The following DISC1 variants were observed in gnomAD, a reference collection of about 807,000 sequenced individuals.
DISC1 encodes disrupted in schizophrenia 1 protein.
DISC1 carries 57 observed loss-of-function variants against 84.5 expected under a neutral mutation model. The ratio of observed to expected loss-of-function variants is 0.67; its 90% CI spans 0.55 to 0.84. DISC1 has a LOEUF of 0.84. DISC1 is among the 40% of genes least tolerant of loss of function. DISC1 has a pLI of 0.00. For synonymous variants in DISC1, 411 were observed against 415.2 expected, an observed-to-expected ratio of 0.99 and a Z score of 0.12; for missense variants, 1,000 against 1,057.8, an observed-to-expected ratio of 0.95 and a Z score of 0.76.
intron 1 of DISC1, among the ~76,000 whole-genome samples, chr1:231,631,877 A>C (rs1186021473): frequency 6.6e-6 from 1 of 152,104 alleles, no homozygotes; most frequent in Non-Finnish European, 1.5e-5. Context: ...AGTAGCATGA[A>C]ATTATGTCCT....
chr1:231,886,742 TCTTTCTTC>T (rs1234031452), intron 9 of DISC1, among the ~76,000 whole-genome samples: 108 of 150,668 alleles, frequency 7.2e-4, no homozygotes, highest in African/African-American at 2.3e-3. Context: ...ACTTTCTTTC[TCTTTCTTC>T]CTTTCTTCCT....
intron 11 of DISC1, among the ~76,000 whole-genome samples, chr1:232,021,024 C>T (rs1668906968): frequency 6.6e-6 from 1 of 152,200 alleles, no homozygotes; most frequent in Non-Finnish European, 1.5e-5. Flanking sequence ...GTGACCGTAA[C>T]ATATAAACAT....
At chr1:231,910,034 A>AT (rs1386128596) in intron 9 of DISC1, among the ~76,000 whole-genome samples, 4 of 152,118 alleles carry the variant, frequency 2.6e-5, no homozygotes. Flanking sequence ...CCCCTTTATC[A>AT]TTTTTTATTG....
chr1:231,641,337 C>T (rs2059644944), intron 1 of DISC1, among the ~76,000 whole-genome samples: 1 of 151,988 alleles, frequency 6.6e-6, no homozygotes, highest in Admixed American at 6.6e-5. Context: ...TTCGTGGTCT[C>T]GCTGGCTCAA....
intron 3 of DISC1, among the ~76,000 whole-genome samples, chr1:231,722,068 G>A (rs372608640): frequency 1.3e-5 from 2 of 150,542 alleles, no homozygotes; most frequent in African/African-American, 4.9e-5. Flanking sequence ...CAGGAGAATG[G>A]CATGAACCTG....
At chr1:231,888,692 C>T (rs1403442083) in intron 9 of DISC1, among the ~76,000 whole-genome samples, 4 of 136,374 alleles carry the variant, frequency 2.9e-5, no homozygotes, top group South Asian at 2.4e-4. Flanking sequence ...GAGCCAAGAT[C>T]GTGCCACTGC....
chr1:231,801,638 C>T (rs2079267031), intron 8 of DISC1, among the ~76,000 whole-genome samples: 5 of 152,114 alleles, frequency 3.3e-5, no homozygotes, highest in South Asian at 2.1e-4. Context: ...TTTGGTGGAC[C>T]GGCCTTTCAG....
chr1:231,638,021 G>C (rs1431533135), intron 1 of DISC1, among the ~76,000 whole-genome samples: 2 of 151,670 alleles, frequency 1.3e-5, no homozygotes, highest in Non-Finnish European at 2.9e-5. Flanking sequence ...GTTATTTTTT[G>C]ACTTTTTAAT....
At chr1:231,850,766 A>T (rs1442457392) in intron 9 of DISC1, among the ~76,000 whole-genome samples, 1 of 152,248 alleles carries the variant, frequency 6.6e-6, no homozygotes, top group African/African-American at 2.4e-5. Context: ...GGGCACTTCT[A>T]TTTAAAGGGT....
chr1:231,803,234 G>A (rs2079418631), intron 8 of DISC1, among the ~76,000 whole-genome samples: 1 of 152,084 alleles, frequency 6.6e-6, no homozygotes, highest in Non-Finnish European at 1.5e-5. Flanking sequence ...CTTACAACAT[G>A]GCTGCTGGGT....
chr1:231,754,021 C>G (rs2074885192), intron 4 of DISC1, among the ~76,000 whole-genome samples: 1 of 152,162 alleles, frequency 6.6e-6, no homozygotes. Flanking sequence ...GCCTGGCTTT[C>G]ACTGTTCATA....
At chr1:231,996,694 A>T (rs897415507) in intron 10 of DISC1, among the ~76,000 whole-genome samples, 2 of 152,164 alleles carry the variant, frequency 1.3e-5, no homozygotes, top group Non-Finnish European at 2.9e-5. Context: ...AACCCCATAG[A>T]AAAACACTAA....
chr1:231,830,230 C>A (rs530828483), intron 9 of DISC1, among the ~76,000 whole-genome samples: 5 of 152,132 alleles, frequency 3.3e-5, no homozygotes, highest in African/African-American at 1.2e-4. Context: ...GCATGGGAAC[C>A]TAGAGTGGGA....
chr1:231,970,835 G>T lies in DISC1; in HGVS notation c.2042+11947G>T, dbSNP rs575723512. On this transcript the variant is annotated intron_variant, in intron 10 of 12. Coordinates refer to ENST00000439617, the MANE Select transcript of DISC1 (RefSeq NM_018662.3). Reference sequence around the variant, plus strand: ...TGAGAAATCAACCAATATTTAAGAAGGTCTGAGACTTGGCAAGGTGCCCAG... The same window carrying T: ...TGAGAAATCAACCAATATTTAAGAATGTCTGAGACTTGGCAAGGTGCCCAG... 4.6e-5 allele frequency among the ~76,000 whole-genome samples: 7 copies of T among 152,292 alleles called. No individual in the cohort carries two copies. In the South Asian group the frequency reaches 1.5e-3, roughly 32 times the overall value.
intron 10 of DISC1, among the ~76,000 whole-genome samples, chr1:231,990,849 C>T (rs138599446): frequency 2.3e-4 from 35 of 152,310 alleles, no homozygotes; most frequent in Middle Eastern, 3.4e-3. Flanking sequence ...TTGTCATAGA[C>T]GTCTCCTGAA....
chr1:231,872,783 C>G (rs1340140260), intron 9 of DISC1, among the ~76,000 whole-genome samples: 2 of 152,174 alleles, frequency 1.3e-5, no homozygotes, highest in African/African-American at 4.8e-5. Flanking sequence ...ACTCATCCAC[C>G]CAACTCATTT....
rs2076505311 is a variant in DISC1, at chr1:231,770,847, G to A, written c.1411G>A (p.Ala471Thr). Residue 471 changes from alanine to threonine, a missense_variant, in exon 6 of 13, where the codon GCT becomes ACT. Ala to Thr is a moderately conservative substitution (Grantham distance 58). Around this residue, in one of 3 missense-constraint regions of DISC1, gnomAD observed 311 missense variants for 400.1 expected, o/e 0.78. Coordinates refer to ENST00000439617, the MANE Select transcript of DISC1 (RefSeq NM_018662.3). The stretch of plus-strand genomic sequence containing the variant: ...TCATTCTCTACAGAAAGAAATCGAA[G>A]CTCTCCAAGCAAGGATGTTTGTGCT... ...EKQQLQKEIE[A>T]LQARMFVLEA... 6.2e-7 allele frequency: 1 copy of A among 1,614,112 alleles called. No homozygotes were observed. The highest frequency in any genetic ancestry group is 2.2e-5 in the East Asian group (1 of 44,886).
chr1:231,835,804 C>T (rs891372204), intron 9 of DISC1, among the ~76,000 whole-genome samples: 2 of 152,042 alleles, frequency 1.3e-5, no homozygotes, highest in Non-Finnish European at 2.9e-5. Flanking sequence ...TAATAGTGGA[C>T]CAAGAACAAA....
At position 231,723,471 on chromosome 1, in the gene DISC1, G is replaced by A. The variant is rs145794147; in HGVS notation, c.1117+21447G>A. 5.5e-5 allele frequency: 54 copies of A among 985,470 alleles called. No homozygotes were observed. In the African/African-American group the frequency reaches 8.7e-4, roughly 16 times the overall value. 61.0% of individuals were successfully genotyped at this position (985,470 alleles called of 1,614,324 possible). ...ACTCTTTGTGCAGAACTTATTTCTG[G>A]TCTGGTTTAAGTGAACGTTATTCTT... On this transcript the variant is annotated intron_variant, in intron 3 of 12. Coordinates refer to ENST00000439617, the MANE Select transcript of DISC1 (RefSeq NM_018662.3).
Sources: allele counts gnomAD v4.1 joint callset (sites outside exome capture counted in the v4.1 genomes callset), GRCh38; gene constraint gnomAD v4.1.1; regional missense constraint gnomAD v4.1.1; transcripts MANE v1.5; gene names NCBI Gene and HGNC (gene_info 2026-07-23, HGNC 2026-07-21).